Variants in SMAD3 observed in about 807,000 individuals in gnomAD.
The protein encoded by SMAD3 is SMAD family member 3.
SMAD3 carries 12 observed loss-of-function variants against 51.8 expected under a neutral mutation model. That is an observed-to-expected ratio of 0.23 (90% CI 0.15 to 0.38). The LOEUF (loss-of-function observed/expected upper bound fraction) is 0.38, where lower values mean the gene tolerates loss of function less well. Among genes scored for constraint, SMAD3 ranks in the 10% least tolerant of loss-of-function variants. The pLI, the probability that SMAD3 is intolerant of heterozygous loss-of-function variation, is 1.00. For missense variants in SMAD3, 294 were observed against 565.6 expected (o/e 0.52, Z 4.87); for synonymous variants, 238 against 227.7 (o/e 1.05, Z -0.41).
At chr15:67,088,150 G>A (rs1478555588) in intron 1 of SMAD3, among the ~76,000 whole-genome samples, 3 of 152,222 alleles carry the variant, frequency 2.0e-5, no homozygotes, top group African/African-American at 7.2e-5. Context: ...AAGTGCTGCT[G>A]TGTGTAATTC....
chr15:67,066,154 C>T lies in SMAD3; in HGVS notation c.-1C>T, dbSNP rs770457783. 1.1e-5 allele frequency: 18 copies of T among 1,591,446 alleles called. No individual in the cohort carries two copies. Among genetic ancestry groups the T allele is most frequent in the Admixed American group, 5.2e-5 (3 of 57,214 alleles). On this transcript the variant is annotated 5_prime_UTR_variant, in exon 1 of 9. Coordinates refer to ENST00000327367, the MANE Select transcript of SMAD3 (RefSeq NM_005902.4). ...TCGCCGCCCGCGCGCCCTCCCCAGC[C>T]ATGTCGTCCATCCTGCCTTTCACTC... is the stretch of plus-strand genomic sequence containing the variant.
At chr15:67,075,685 T>C (rs1313655696) in intron 1 of SMAD3, among the ~76,000 whole-genome samples, 3 of 152,084 alleles carry the variant, frequency 2.0e-5, no homozygotes, top group Non-Finnish European at 4.4e-5. Flanking sequence ...GAGGCCAAGG[T>C]GGATGGATCA....
chr15:67,072,124 TCCAA>T (rs1169558059), intron 1 of SMAD3, among the ~76,000 whole-genome samples: 4 of 152,238 alleles, frequency 2.6e-5, no homozygotes, highest in Admixed American at 1.3e-4. Context: ...ACATCAGGAA[TCCAA>T]CTAAATGAGT....
At position 67,191,838 on chromosome 15, in the gene SMAD3, G is replaced by A. The variant is rs940023434; in HGVS notation, c.*1302G>A. 10 of 229,920 alleles carry A rather than the reference G, an allele frequency of 4.3e-5. No homozygotes were observed. The highest frequency in any genetic ancestry group is 3.6e-4 in the South Asian group (2 of 5,492). The allele number at this position is 229,920 out of a possible 1,614,324, so 14.2% of individuals were successfully genotyped here. The stretch of plus-strand genomic sequence containing the variant: ...TGGGATATAAGATGATCTAGCTCCC[G>A]GTAGAGGATCACCGGTGACAACTAT... On this transcript the variant is annotated 3_prime_UTR_variant, in exon 9 of 9. Transcript: ENST00000327367.
intron 6 of SMAD3, among the ~76,000 whole-genome samples, chr15:67,182,549 A>G (rs1012969895): frequency 1.3e-5 from 2 of 152,052 alleles, no homozygotes; most frequent in Admixed American, 1.3e-4. Flanking sequence ...GCACCTCTGC[A>G]CTCGCTTGCT....
intron 1 of SMAD3, among the ~76,000 whole-genome samples, chr15:67,144,091 TA>T (rs1961908414): frequency 6.6e-6 from 1 of 152,168 alleles, no homozygotes; most frequent in Non-Finnish European, 1.5e-5. Flanking sequence ...CCAGTCAAGA[TA>T]ATGAACATGT....
At chr15:67,089,959 T>C (rs1960476336) in intron 1 of SMAD3, among the ~76,000 whole-genome samples, 1 of 152,140 alleles carries the variant, frequency 6.6e-6, no homozygotes, top group East Asian at 1.9e-4. Flanking sequence ...CCAGCAGTAG[T>C]GTTGGGGTTT....
intron 1 of SMAD3, among the ~76,000 whole-genome samples, chr15:67,080,439 G>A (rs1960256488): frequency 6.6e-6 from 1 of 152,102 alleles, no homozygotes; most frequent in Non-Finnish European, 1.5e-5. Flanking sequence ...GCAGTGGCAG[G>A]GCATTCACGT....
rs1415206407 is a variant in SMAD3 at position 67,191,251 on chromosome 15, T to C, written c.*715T>C. ...CTCACTTACGTTTGTCCTTTTTCAC[T>C]TTGAAAAGTTGGAAGGATCTGCTGA... On this transcript the variant is annotated 3_prime_UTR_variant, in exon 9 of 9. Coordinates refer to ENST00000327367, the MANE Select transcript of SMAD3 (RefSeq NM_005902.4). 3.0e-5 allele frequency: 7 copies of C among 233,572 alleles called. No individual in the cohort carries two copies. The highest frequency in any genetic ancestry group is 5.1e-5 in the Non-Finnish European group (6 of 118,276). The allele number at this position is 233,572 out of a possible 1,614,324, so 14.5% of individuals were successfully genotyped here.
intron 1 of SMAD3, among the ~76,000 whole-genome samples, chr15:67,127,661 G>C (rs1239681773): frequency 6.6e-6 from 1 of 152,228 alleles, no homozygotes; most frequent in Non-Finnish European, 1.5e-5. Flanking sequence ...TGAAGATGAA[G>C]GGCTGTGTCT....
At chr15:67,100,794 TACCTTTATGAGGA>T (rs1960737693) in intron 1 of SMAD3, among the ~76,000 whole-genome samples, 1 of 152,218 alleles carries the variant, frequency 6.6e-6, no homozygotes, top group Admixed American at 6.5e-5. Flanking sequence ...ATCCAGGCTC[TACCTTTATGAGGA>T]ACCAGAGACC....
chr15:67,170,588 A>G lies in SMAD3; in HGVS notation c.642A>G (p.Pro214=). Residue 214 remains proline, a synonymous_variant, in exon 5 of 9, where the codon CCA becomes CCG. Coordinates refer to ENST00000327367, the MANE Select transcript of SMAD3 (RefSeq NM_005902.4). ...ACCTATCCCCGAATCCGATGTCCCCAGCACATAATAACTTGGGTGAGTATC... is the reference window on the plus strand; with the variant it reads ...ACCTATCCCCGAATCCGATGTCCCCGGCACATAATAACTTGGGTGAGTATC... ...SPNLSPNPMS[P]AHNNLDLQPV... 1 of 1,613,972 alleles carries G rather than the reference A, an allele frequency of 6.2e-7. No homozygotes were observed. The highest frequency in any genetic ancestry group is 8.5e-7 in the Non-Finnish European group (1 of 1,179,854).
intron 3 of SMAD3, chr15:67,166,029 C>G (rs1962578796): frequency 4.2e-6 from 1 of 240,358 alleles, no homozygotes; most frequent in Non-Finnish European, 6.9e-6. Context: ...AGTAATCCTG[C>G]TGCGTTCCTC....
chr15:67,168,915 C>G (rs1962667592), intron 4 of SMAD3, among the ~76,000 whole-genome samples: 1 of 152,144 alleles, frequency 6.6e-6, no homozygotes, highest in Non-Finnish European at 1.5e-5. Context: ...TGTCTCGGGC[C>G]AGAGGGTCAC....
chr15:67,142,263 T>TC (rs921320090), intron 1 of SMAD3, among the ~76,000 whole-genome samples: 3 of 151,662 alleles, frequency 2.0e-5, no homozygotes, highest in Non-Finnish European at 4.4e-5. Context: ...GTTTTTTTTT[T>TC]CCCCCGTACA....
Position 67,113,072 on chromosome 15 carries a change from A to G in SMAD3, c.206+46712A>G, listed in dbSNP as rs933403813. On this transcript the variant is annotated intron_variant, in intron 1 of 8. Coordinates refer to ENST00000327367, the MANE Select transcript of SMAD3 (RefSeq NM_005902.4). Reference sequence around the variant, plus strand: ...TAATCAACTTTTAAAATATATATATATGTGTATATATATATATATATATTT... The same window carrying G: ...TAATCAACTTTTAAAATATATATATGTGTGTATATATATATATATATATTT... Among the ~76,000 whole-genome samples the G allele has an allele frequency of 4.2e-4, 15 of 35,976 alleles. 3 individuals are homozygous for G. Among genetic ancestry groups the G allele is most frequent in the African/African-American group, 1.0e-3 (10 of 9,836 alleles). The allele number at this position is 35,976 out of a possible 152,430, so 23.6% of individuals were successfully genotyped here.
intron 1 of SMAD3, among the ~76,000 whole-genome samples, chr15:67,156,490 T>C (rs1325908627): frequency 6.6e-6 from 1 of 152,244 alleles, no homozygotes; most frequent in Non-Finnish European, 1.5e-5. Context: ...TCATGCAGCC[T>C]AGCTTCACTT....
chr15:67,067,409 T>G (rs1281498910), intron 1 of SMAD3, among the ~76,000 whole-genome samples: 1 of 152,172 alleles, frequency 6.6e-6, no homozygotes, highest in Non-Finnish European at 1.5e-5. Context: ...TGTCTCTACC[T>G]CTCAGCCTCC....
chr15:67,065,682 G>A lies in SMAD3; in HGVS notation c.-473G>A, dbSNP rs535883990. Among the ~76,000 whole-genome samples the A allele has an allele frequency of 3.3e-5, 5 of 151,790 alleles. No individual in the cohort carries two copies. The highest frequency in any genetic ancestry group is 4.1e-4 in the South Asian group (2 of 4,822). ...CCCAGCCAGCGAGCGAGCGAGCGGC[G>A]AGCCGGGAGGAGGAGGGTGGCGGGG... is the stretch of plus-strand genomic sequence containing the variant. On this transcript the variant is annotated 5_prime_UTR_variant, in exon 1 of 9. Coordinates refer to ENST00000327367, the MANE Select transcript of SMAD3 (RefSeq NM_005902.4).
Sources: allele counts gnomAD v4.1 joint callset (sites outside exome capture counted in the v4.1 genomes callset), GRCh38; gene constraint gnomAD v4.1.1; transcripts MANE v1.5; gene names NCBI Gene and HGNC (gene_info 2026-07-23, HGNC 2026-07-21).